The following QPCTL variants were observed in gnomAD, a reference collection of about 807,000 sequenced individuals.
QPCTL encodes glutaminyl-peptide cyclotransferase-like protein.
QPCTL carries 31 observed loss-of-function variants against 34.6 expected under a neutral mutation model. That is an observed-to-expected ratio of 0.90 (90% CI 0.67 to 1.21). The LOEUF is 1.21. QPCTL is among the 50% of genes most tolerant of loss of function. The pLI is 0.00. For synonymous variants in QPCTL, 223 were observed against 226.9 expected (o/e 0.98, Z 0.15); for missense variants, 474 against 507.8 (o/e 0.93, Z 0.64).
In QPCTL at chr19:45,699,749, G is replaced by A. The variant is rs565021906; in HGVS notation, c.886+849G>A. Among the ~76,000 whole-genome samples the A allele has an allele frequency of 1.2e-4, 18 of 152,012 alleles. No homozygotes were observed. In the South Asian group the frequency reaches 3.8e-3, roughly 32 times the overall value. On this transcript the variant is annotated intron_variant, in intron 5 of 6. Transcript: ENST00000012049. ...AGTTTGAGACCAGCCTGGCCAACAGGGCGAAACCCCATCTCTACTAAAAAT... is the reference window on the plus strand; with the variant it reads ...AGTTTGAGACCAGCCTGGCCAACAGAGCGAAACCCCATCTCTACTAAAAAT...
At chr19:45,697,400 T>C (rs945928591) in intron 3 of QPCTL, among the ~76,000 whole-genome samples, 10 of 139,238 alleles carry the variant, frequency 7.2e-5, no homozygotes, top group African/African-American at 2.8e-4. Flanking sequence ...TACGCCAGCC[T>C]GGGCGATACA....
intron 2 of QPCTL, among the ~76,000 whole-genome samples, chr19:45,694,695 T>A (rs1967655929): frequency 6.6e-6 from 1 of 151,776 alleles, no homozygotes; most frequent in Non-Finnish European, 1.5e-5. Context: ...GGTCTCAAAC[T>A]CCTGACCTTA....
chr19:45,702,925 T>G lies in QPCTL; in HGVS notation c.1025T>G (p.Ile342Ser). The change falls in exon 7 of 7, where the codon ATC becomes AGC. Residue 342 changes from isoleucine (I) to serine (S), a missense_variant. Ile to Ser is a moderately radical substitution (Grantham distance 142). Coordinates refer to ENST00000012049, the MANE Select transcript of QPCTL (RefSeq NM_017659.4). ...LRRGVPVLHLISTPFPAVWHT... is the reference protein window; with the variant it reads ...LRRGVPVLHLSSTPFPAVWHT... ...TCAGGGGTACCCGTGCTCCATCTCA[T>G]CTCCACGCCCTTCCCTGCTGTCTGG... The G allele has an allele frequency of 6.2e-7, 1 of 1,614,030 alleles. No homozygotes were observed. Among genetic ancestry groups the G allele is most frequent in the Non-Finnish European group, 8.5e-7 (1 of 1,180,006 alleles).
intron 6 of QPCTL, among the ~76,000 whole-genome samples, chr19:45,702,465 A>AC (rs1967829657): frequency 6.6e-6 from 1 of 151,302 alleles, no homozygotes. Context: ...GATATCTCAA[A>AC]AAAAAAAAAA....
At position 45,701,579 on chromosome 19, in the gene QPCTL, A is replaced by G. The variant is rs1324327348; in HGVS notation, c.887-219A>G. 2.0e-5 allele frequency among the ~76,000 whole-genome samples: 3 copies of G among 152,142 alleles called. No individual in the cohort carries two copies. The East Asian group carries it at 5.8e-4, about 29-fold the overall frequency. ...GCATGAGCCACCACACCAGGCCACA[A>G]GATCTTGTCTCAAAAAAAAGAATGT... On this transcript the variant is annotated intron_variant, in intron 5 of 6. Transcript: ENST00000012049.
intron 2 of QPCTL, 140 bp from the exon 3 acceptor site, chr19:45,695,295 AAG>A: frequency 7.6e-6 from 6 of 790,562 alleles, no homozygotes; most frequent in Admixed American, 3.0e-5. Flanking sequence ...CAAAAAAAAA[AAG>A]AAAGAAAGAA....
chr19:45,700,658 A>C (rs11673709), intron 5 of QPCTL, among the ~76,000 whole-genome samples: 18,165 of 151,792 alleles, frequency 0.12, 1,394 homozygotes, highest in Middle Eastern at 0.17. Context: ...TCAGTTTCCT[A>C]TCTGTAAAAC....
intron 2 of QPCTL, 140 bp from the exon 3 acceptor site, chr19:45,695,292 AAAAAG>A: frequency 1.4e-5 from 11 of 806,072 alleles, no homozygotes; most frequent in African/African-American, 1.0e-4. Flanking sequence ...TCTCAAAAAA[AAAAAG>A]AAAGAAAGAA....
rs1967667144 is a variant in QPCTL at position 45,695,298 on chromosome 19, A to G, written c.352-139A>G. 5.0e-6 allele frequency: 4 copies of G among 804,598 alleles called. No homozygotes were observed. In the Admixed American group the frequency reaches 1.2e-4, roughly 24 times the overall value. 49.8% of individuals were successfully genotyped at this position (804,598 alleles called of 1,614,324 possible). On this transcript the variant is annotated intron_variant, in intron 2 of 6. Coordinates refer to ENST00000012049, the MANE Select transcript of QPCTL (RefSeq NM_017659.4). Reference sequence around the variant, plus strand: ...AAGACTCCATCTCAAAAAAAAAAAGAAAGAAAGAAAGAAATCCATTCAATC... The same window carrying G: ...AAGACTCCATCTCAAAAAAAAAAAGGAAGAAAGAAAGAAATCCATTCAATC...
intron 5 of QPCTL, 110 bp downstream of exon 5, chr19:45,699,010 G>C: frequency 2.3e-6 from 2 of 871,792 alleles, no homozygotes; most frequent in Non-Finnish European, 3.5e-6. Flanking sequence ...CACCAGTCTG[G>C]GCCACATAGG....
At chr19:45,698,310 G>C (rs1457463232) in intron 3 of QPCTL, among the ~76,000 whole-genome samples, 1 of 151,878 alleles carries the variant, frequency 6.6e-6, no homozygotes, top group Non-Finnish European at 1.5e-5. Flanking sequence ...TATAGATGAA[G>C]AAACTGATCC....
chr19:45,698,319 C>T lies in QPCTL; in HGVS notation c.634-228C>T, dbSNP rs533434913. On this transcript the variant is annotated intron_variant, in intron 3 of 6. Coordinates refer to ENST00000012049, the MANE Select transcript of QPCTL (RefSeq NM_017659.4). ...CCCATTTATAGATGAAGAAACTGAT[C>T]CTTCCAGAAGTTAGTAACTTCCCCA... Among the ~76,000 whole-genome samples, 3 of 152,200 alleles carry T rather than the reference C, an allele frequency of 2.0e-5. No homozygotes were observed. In the South Asian group the frequency reaches 6.2e-4, roughly 32 times the overall value.
intron 5 of QPCTL, among the ~76,000 whole-genome samples, chr19:45,700,933 T>TG (rs1175986102): frequency 1.2e-4 from 15 of 122,838 alleles, no homozygotes; most frequent in Admixed American, 2.1e-4. Flanking sequence ...CACTCCAGCC[T>TG]GGCGACAGAG....
At chr19:45,701,095 C>T (rs774509217) in intron 5 of QPCTL, among the ~76,000 whole-genome samples, 9 of 144,896 alleles carry the variant, frequency 6.2e-5, no homozygotes, top group Non-Finnish European at 9.0e-5. Context: ...ACAGGAAGAT[C>T]CCATTTCTAC....
chr19:45,692,750 G>A lies in QPCTL; in HGVS notation c.47G>A (p.Arg16His), dbSNP rs1468012264. The change falls in exon 1 of 7, where the codon CGT (arginine) becomes CAT (histidine). Residue 16 changes from arginine to histidine, a missense_variant. Transcript: ENST00000012049. ...CGACCCCGCCTGCGGCTGGGGGAAC[G>A]TGGCCTCATGGAGCCACTCTTGCCG... Reference protein sequence around the residue: ...RGRPRLRLGERGLMEPLLPPK... With the variant: ...RGRPRLRLGEHGLMEPLLPPK... 2.5e-6 allele frequency: 4 copies of A among 1,578,680 alleles called. No homozygotes were observed. Among genetic ancestry groups the A allele is most frequent in the Admixed American group, 3.6e-5 (2 of 55,596 alleles).
rs1349349162 is a variant in QPCTL at position 45,698,882 on chromosome 19, C to A, written c.868C>A (p.His290Asn). The A allele has an allele frequency of 6.2e-7, 1 of 1,613,916 alleles. No homozygotes were observed. Among genetic ancestry groups the A allele is most frequent in the East Asian group, 2.2e-5 (1 of 44,874 alleles). ...CTTCCCTCGCACGGTCCGCTGGTTC[C>A]ATCGGCTGAGGAGCATTGGTAAGGG... ...SHFPRTVRWF[H>N]RLRSIEKRLH... Residue 290 changes from histidine to asparagine, a missense_variant, in exon 5 of 7, where the codon CAT becomes AAT. Transcript: ENST00000012049.
chr19:45,692,726 G>T lies in QPCTL; in HGVS notation c.23G>T (p.Arg8Leu), dbSNP rs560702379. 48 of 1,552,808 alleles carry T rather than the reference G, an allele frequency of 3.1e-5. No homozygotes were observed. The highest frequency in any genetic ancestry group is 2.2e-4 in the South Asian group (19 of 85,446). Residue 8 changes from arginine to leucine, a missense_variant, in exon 1 of 7, where the codon CGA becomes CTA. Transcript: ENST00000012049. MRSGGRG[R>L]PRLRLGERGL... ...GCCATGCGTTCCGGGGGCCGCGGGC[G>T]ACCCCGCCTGCGGCTGGGGGAACGT... is the stretch of plus-strand genomic sequence containing the variant.
chr19:45,702,419 AGCCACT>A (rs1967828269), intron 6 of QPCTL, among the ~76,000 whole-genome samples: 1 of 151,526 alleles, frequency 6.6e-6, no homozygotes. Context: ...GCCTTGATTG[AGCCACT>A]GCACTCTAGC....
Position 45,698,822 on chromosome 19 carries a change from C to G in QPCTL, c.808C>G (p.Leu270Val). Reference sequence around the variant, plus strand: ...TTAGGAGCTCTTTATGCTTCTTGATCTCCTGGGAGCCCCCAATCCCACCTT... The same window carrying G: ...TTAGGAGCTCTTTATGCTTCTTGATGTCCTGGGAGCCCCCAATCCCACCTT... The part of the protein sequence containing the change: ...QAIELFMLLD[L>V]LGAPNPTFYS... Residue 270 changes from leucine (L) to valine (V), a missense_variant, in exon 5 of 7, where the codon CTC becomes GTC. Leu to Val is a conservative substitution (Grantham distance 32). Coordinates refer to ENST00000012049, the MANE Select transcript of QPCTL (RefSeq NM_017659.4). 6.2e-7 allele frequency: 1 copy of G among 1,614,052 alleles called. No homozygotes were observed. Among genetic ancestry groups the G allele is most frequent in the Non-Finnish European group, 8.5e-7 (1 of 1,179,942 alleles).
Sources: gnomAD v4.1 joint callset for allele counts (sites outside exome capture counted in the v4.1 genomes callset) on GRCh38, gnomAD v4.1.1 for gene constraint, MANE v1.5 for transcripts, NCBI Gene and HGNC (gene_info 2026-07-23, HGNC 2026-07-21) for gene names.